Variants in MYOM2 observed in about 807,000 individuals in gnomAD.
The protein encoded by MYOM2 is myomesin 2, also known as myomesin-2.
A neutral mutation model predicts 187.6 loss-of-function variants in MYOM2; 254 were observed. That is an observed-to-expected ratio of 1.35 (90% CI 1.22 to 1.50). The LOEUF is 1.50. MYOM2 is among the 40% of genes most tolerant of loss of function. The probability of loss-of-function intolerance (pLI) is 0.00; values close to 1 mark genes in which losing one functional copy is unlikely to be tolerated. For missense variants in MYOM2, 2,796 were observed against 1,924.0 expected (o/e 1.45, Z -8.48); for synonymous variants, 981 against 753.8 (o/e 1.30, Z -4.94).
At chr8:2,091,152 A>C (rs948162148) in intron 15 of MYOM2, among the ~76,000 whole-genome samples, 1 of 151,174 alleles carries the variant, frequency 6.6e-6, no homozygotes, top group Non-Finnish European at 1.5e-5. Flanking sequence ...AAGTAATTCA[A>C]ATTTTAAGTG....
At chr8:2,082,636 C>T (rs4876233) in intron 13 of MYOM2, among the ~76,000 whole-genome samples, 46,094 of 152,048 alleles carry the variant, frequency 0.3, 8,436 homozygotes, top group Middle Eastern at 0.41. Flanking sequence ...TGAATTGCTC[C>T]GTTGAAAAAT....
At position 2,116,285 on chromosome 8, in the gene MYOM2, C is replaced by T. The variant is rs376549045; in HGVS notation, c.3385+10C>T. ...TTTCTCAGGAAACAAGGTGAGTTTC[C>T]TCACTCTGACCGGCTCCCCTGCCCC... On this transcript the variant is annotated intron_variant, in intron 27 of 36. Coordinates refer to ENST00000262113, the MANE Select transcript of MYOM2 (RefSeq NM_003970.4). The T allele has an allele frequency of 1.2e-6, 2 of 1,611,044 alleles. No homozygotes were observed. The highest frequency in any genetic ancestry group is 1.7e-6 in the Non-Finnish European group (2 of 1,178,400).
At chr8:2,100,187 T>TCCTA (rs1453518028) in intron 19 of MYOM2, among the ~76,000 whole-genome samples, 1 of 149,444 alleles carries the variant, frequency 6.7e-6, no homozygotes, top group Non-Finnish European at 1.5e-5. Flanking sequence ...CTTCCTTCCT[T>TCCTA]CCCTCCCTGC....
At position 2,109,443 on chromosome 8, in the gene MYOM2, G is replaced by T; in HGVS notation, c.3092G>T (p.Arg1031Leu). The T allele has an allele frequency of 6.2e-7, 1 of 1,612,634 alleles. No homozygotes were observed. The highest frequency in any genetic ancestry group is 8.5e-7 in the Non-Finnish European group (1 of 1,179,362). ...GCTTATGAGATTTTTGATAAGGGGCGGGTTCGCTTCTGGCTCCAGGCTGAG... is the reference window on the plus strand; with the variant it reads ...GCTTATGAGATTTTTGATAAGGGGCTGGTTCGCTTCTGGCTCCAGGCTGAG... ...ELAYEIFDKG[R>L]VRFWLQAEHL... Residue 1031 changes from arginine (R) to leucine (L), a missense_variant, in exon 25 of 37, where the codon CGG becomes CTG. By Grantham distance (102) the Arg-to-Leu change is moderately radical. Transcript: ENST00000262113.
chr8:2,052,026 C>T lies in MYOM2; in HGVS notation c.108-132C>T. The T allele has an allele frequency of 2.8e-6, 3 of 1,063,174 alleles. No homozygotes were observed. The South Asian group carries it at 4.4e-5, about 16-fold the overall frequency. The allele number at this position is 1,063,174 out of a possible 1,614,324, so 65.9% of individuals were successfully genotyped here. ...GGTGCATGCCTCTCATATGCCTGTG[C>T]ATGTGTGTGTTTGTGTGTGCTCTGC... is the stretch of plus-strand genomic sequence containing the variant. On this transcript the variant is annotated intron_variant, in intron 2 of 36. Coordinates refer to ENST00000262113, the MANE Select transcript of MYOM2 (RefSeq NM_003970.4).
At chr8:2,135,356 G>C (rs1188712828) in intron 32 of MYOM2, among the ~76,000 whole-genome samples, 4 of 152,192 alleles carry the variant, frequency 2.6e-5, no homozygotes, top group Non-Finnish European at 1.5e-5. Context: ...TTGCAACATA[G>C]TTATGTTCAT....
chr8:2,116,330 T>C (rs1041147568), intron 27 of MYOM2, 55 bp downstream of exon 27: 53 of 1,498,128 alleles, frequency 3.5e-5, no homozygotes, highest in Non-Finnish European at 4.1e-5. Context: ...GCAAAGATGA[T>C]TGGAGTATTT....
rs371280797 is a variant in MYOM2, at chr8:2,076,962, C to G, written c.1262+680C>G. On this transcript the variant is annotated intron_variant, in intron 11 of 36. Coordinates refer to ENST00000262113, the MANE Select transcript of MYOM2 (RefSeq NM_003970.4). ...TATGCCCTAAATACAAATTCCAGTT[C>G]TTGGAGTAAATTATAGTTGAAGAAA... Among the ~76,000 whole-genome samples the G allele has an allele frequency of 2.0e-5, 3 of 152,230 alleles. No homozygotes were observed. The South Asian group carries it at 6.2e-4, about 32-fold the overall frequency.
chr8:2,120,698 T>TATATATATATA (rs1797420328), intron 28 of MYOM2, among the ~76,000 whole-genome samples: 3 of 116,556 alleles, frequency 2.6e-5, no homozygotes, highest in African/African-American at 1.0e-4. Context: ...AAATATATAA[T>TATATATATATA]ATATATATTT....
rs186585479 is a variant in MYOM2, at chr8:2,108,267, T to A, written c.2999-519T>A. On this transcript the variant is annotated intron_variant, in intron 23 of 36. Coordinates refer to ENST00000262113, the MANE Select transcript of MYOM2 (RefSeq NM_003970.4). ...GTGTATTTTGTTTATTTATTTATTT[T>A]TTTTGTTATTTTCTTCTTTCCTTTT... Among the ~76,000 whole-genome samples the A allele has an allele frequency of 3.9e-4, 59 of 151,776 alleles. 1 individual carries two copies. The highest frequency in any genetic ancestry group is 5.6e-4 in the Non-Finnish European group (38 of 67,980).
In MYOM2 at chr8:2,120,698, T is replaced by A. The variant is rs867577190; in HGVS notation, c.3454-2554T>A. 4.0e-3 allele frequency among the ~76,000 whole-genome samples: 461 copies of A among 116,522 alleles called. 10 individuals carry two copies. The highest frequency in any genetic ancestry group is 0.015 in the African/African-American group (444 of 29,762). The allele number at this position is 116,522 out of a possible 152,430, so 76.4% of individuals were successfully genotyped here. On this transcript the variant is annotated intron_variant, in intron 28 of 36. Transcript: ENST00000262113. ...TATTATATTATATATAAATATATAA[T>A]ATATATATTTTAATTGCCAATCTAA...
At chr8:2,098,217 T>G (rs1480358716) in intron 18 of MYOM2, 1 of 152,248 alleles carries the variant, frequency 6.6e-6, no homozygotes, top group Non-Finnish European at 1.5e-5. Context: ...TTTGAGACAG[T>G]GTTTACCCAG....
At position 2,109,282 on chromosome 8, in the gene MYOM2, T is replaced by G. The variant is rs968391497; in HGVS notation, c.3044-113T>G. 4.8e-6 allele frequency: 6 copies of G among 1,246,648 alleles called. No individual in the cohort carries two copies. In the Admixed American group the frequency reaches 1.7e-4, roughly 35 times the overall value. The allele number at this position is 1,246,648 out of a possible 1,614,324, so 77.2% of individuals were successfully genotyped here. A position where few individuals can be genotyped will look rare whatever the true frequency, so the allele number is the denominator to read the frequency against. ...CTTCCATAATCTAATACTCCAGGGT[T>G]TCACATTCTCAAAAATCTAATAACT... On this transcript the variant is annotated intron_variant, in intron 24 of 36. Coordinates refer to ENST00000262113, the MANE Select transcript of MYOM2 (RefSeq NM_003970.4).
intron 8 of MYOM2, 60 bp from the exon 9 acceptor site, chr8:2,072,285 C>T (rs1819252731): frequency 7.9e-6 from 10 of 1,264,072 alleles, no homozygotes; most frequent in Non-Finnish European, 1.0e-5. Context: ...GCCATGAAAG[C>T]CTCCATCGTT....
chr8:2,131,305 G>A (rs570911885), intron 32 of MYOM2, among the ~76,000 whole-genome samples: 220 of 152,248 alleles, frequency 1.4e-3, no homozygotes, highest in Admixed American at 2.2e-3. Context: ...TATAGATGTG[G>A]AAACTGGGGT....
At position 2,072,217 on chromosome 8, in the gene MYOM2, C is replaced by T. The variant is rs370432598; in HGVS notation, c.794-128C>T. 864 of 421,172 alleles carry T rather than the reference C, an allele frequency of 2.1e-3. 5 individuals carry two copies. Among genetic ancestry groups the T allele is most frequent in the Non-Finnish European group, 3.0e-3 (645 of 216,582 alleles). The allele number at this position is 421,172 out of a possible 1,614,324, so 26.1% of individuals were successfully genotyped here. The stretch of plus-strand genomic sequence containing the variant: ...CTGCACTCCAACCTGGACAACAGAG[C>T]GAGACTCCGTCCCCCCGCCCCCCGC... On this transcript the variant is annotated intron_variant, in intron 8 of 36. Coordinates refer to ENST00000262113, the MANE Select transcript of MYOM2 (RefSeq NM_003970.4).
chr8:2,134,428 C>T (rs916404356), intron 32 of MYOM2, among the ~76,000 whole-genome samples: 5 of 152,152 alleles, frequency 3.3e-5, no homozygotes, highest in Non-Finnish European at 5.9e-5. Context: ...ATGTCTGCCC[C>T]GTCTCTTCCT....
intron 28 of MYOM2, among the ~76,000 whole-genome samples, chr8:2,121,166 G>T (rs1386819319): frequency 6.6e-6 from 1 of 152,164 alleles, no homozygotes; most frequent in African/African-American, 2.4e-5. Context: ...GCACAGAAAG[G>T]TATGTTTCTT....
intron 11 of MYOM2, chr8:2,076,548 C>A (rs1252454854): frequency 8.9e-6 from 4 of 450,746 alleles, no homozygotes; most frequent in Non-Finnish European, 1.6e-5. Flanking sequence ...ACCAATCCCA[C>A]CAACGTCTTC....
Sources: gnomAD v4.1 joint callset for allele counts (sites outside exome capture counted in the v4.1 genomes callset) on GRCh38, gnomAD v4.1.1 for gene constraint, MANE v1.5 for transcripts, NCBI Gene and HGNC (gene_info 2026-07-23, HGNC 2026-07-21) for gene names.